Variants in SEC31B observed in about 807,000 individuals in gnomAD.
SEC31B encodes protein transport protein Sec31B.
A neutral mutation model predicts 135.0 loss-of-function variants in SEC31B; 113 were observed. The observed-to-expected ratio is 0.84, with a 90% CI of 0.72 to 0.98. The LOEUF (loss-of-function observed/expected upper bound fraction) is 0.98. Among genes scored for constraint, SEC31B ranks in the 50% least tolerant of loss-of-function variants. SEC31B has a pLI of 0.00. For synonymous variants in SEC31B, 508 were observed against 549.4 expected, an observed-to-expected ratio of 0.92 and a Z score of 1.05; for missense variants, 1,296 against 1,421.1, an observed-to-expected ratio of 0.91 and a Z score of 1.42.
chr10:100,508,961 G>C, intron 5 of SEC31B, 46 bp downstream of exon 5: 1 of 1,459,564 alleles, frequency 6.9e-7, no homozygotes, highest in South Asian at 1.1e-5. Flanking sequence ...TTACTTAGGA[G>C]AATCAGCTGC....
At chr10:100,516,352 A>T (rs1851845032) in intron 2 of SEC31B, 133 bp from the exon 3 acceptor site, 1 of 1,138,958 alleles carries the variant, frequency 8.8e-7, no homozygotes, top group South Asian at 1.6e-5. Flanking sequence ...ACTCCACAAA[A>T]GCAAGAAAAC....
At position 100,507,948 on chromosome 10, in the gene SEC31B, T is replaced by C. The variant is rs1298722699; in HGVS notation, c.599A>G (p.Lys200Arg). ...SGKAVVWDLRKNEPIIKVSDH... is the reference protein window; with the variant it reads ...SGKAVVWDLRRNEPIIKVSDH... Reference sequence around the variant, plus strand: ...ACTGACTTTGATGATAGGTTCATTCTTCCTGAGATCCCACACAACTGCCTT... The same window carrying C: ...ACTGACTTTGATGATAGGTTCATTCCTCCTGAGATCCCACACAACTGCCTT... The change falls in exon 6 of 26, where the codon AAG (lysine) becomes AGG (arginine). Residue 200 changes from lysine (K) to arginine (R), a missense_variant. Physicochemically the swap from Lys to Arg is conservative, Grantham distance 26. Transcript: ENST00000370345. 1 of 1,614,096 alleles carries C rather than the reference T, an allele frequency of 6.2e-7. No homozygotes were observed. Among genetic ancestry groups the C allele is most frequent in the Non-Finnish European group, 8.5e-7 (1 of 1,180,044 alleles).
Position 100,499,241 on chromosome 10 carries a change from C to T in SEC31B, c.1503G>A (p.Lys501=), listed in dbSNP as rs1851471201. ...GACTCTCACCTAGCCCCACGTCACT[C>T]TTCAACCATGTGGCCACCTGCAGGG... is the stretch of plus-strand genomic sequence containing the variant. ...ELQKKVATWL[K]SDVGLGESPQ... The change falls in exon 13 of 26, where the codon AAG becomes AAA. Residue 501 remains lysine, a synonymous_variant. Coordinates refer to ENST00000370345, the MANE Select transcript of SEC31B (RefSeq NM_015490.4). 6.2e-7 allele frequency: 1 copy of T among 1,612,898 alleles called. No homozygotes were observed. The highest frequency in any genetic ancestry group is 8.5e-7 in the Non-Finnish European group (1 of 1,179,572).
Position 100,505,423 on chromosome 10 carries a change from G to A in SEC31B, c.1117C>T (p.Leu373=). ...QVPEQVAQAP[L]IPPLKKPPKW... is the part of the protein sequence containing the mutation. ...GGGGGTTTTTTCAGGGGAGGTATCA[G>A]TGGTGCTTGTGCCACTTGCTCTGGC... Residue 373 remains leucine, a synonymous_variant, in exon 10 of 26, where the codon CTG becomes TTG. Coordinates refer to ENST00000370345, the MANE Select transcript of SEC31B (RefSeq NM_015490.4). The A allele has an allele frequency of 6.2e-7, 1 of 1,605,926 alleles. No individual in the cohort carries two copies. The highest frequency in any genetic ancestry group is 8.5e-7 in the Non-Finnish European group (1 of 1,175,990).
chr10:100,501,873 T>C (rs1851530574), intron 11 of SEC31B, among the ~76,000 whole-genome samples: 2 of 152,340 alleles, frequency 1.3e-5, no homozygotes, highest in South Asian at 4.1e-4. Flanking sequence ...CTAACTAATG[T>C]TTTTCCTTTC....
At chr10:100,497,078 C>T in intron 17 of SEC31B, 57 bp downstream of exon 17, 2 of 1,591,424 alleles carry the variant, frequency 1.3e-6, no homozygotes, top group South Asian at 2.2e-5. Flanking sequence ...ACATCTCCAC[C>T]ACTAGCCTCC....
chr10:100,498,176 C>T lies in SEC31B; in HGVS notation c.1716G>A (p.Leu572=), dbSNP rs766693241. ...DIDGLLSQAL[L]LGELGPAVEL... ...CCACGGCCGGACCCAGTTCCCCAAG[C>T]AGGAGAGCCTGGCTTAGGAGTCCAT... Residue 572 remains leucine (L), a synonymous_variant, in exon 15 of 26, where the codon CTG becomes CTA. Transcript: ENST00000370345. 2 of 1,614,206 alleles carry T rather than the reference C, an allele frequency of 1.2e-6. No individual in the cohort carries two copies. The highest frequency in any genetic ancestry group is 3.3e-5 in the Admixed American group (2 of 60,028).
intron 24 of SEC31B, among the ~76,000 whole-genome samples, 174 bp downstream of exon 24, chr10:100,488,684 C>T (rs1356334947): frequency 2.0e-5 from 3 of 152,044 alleles, no homozygotes; most frequent in African/African-American, 7.3e-5. Flanking sequence ...GGACTTCAGA[C>T]CAGACTCAAA....
In SEC31B at chr10:100,498,305, C is replaced by T. The variant is rs899076452; in HGVS notation, c.1685-98G>A. ...GCACACCCTCTATATCTCTATATCA[C>T]TCAGTGTGCTTGGCTCCAAACTAAA... On this transcript the variant is annotated intron_variant, in intron 14 of 25. Transcript: ENST00000370345. 7 of 1,151,352 alleles carry T rather than the reference C, an allele frequency of 6.1e-6. No individual in the cohort carries two copies. In the East Asian group the frequency reaches 1.5e-4, roughly 24 times the overall value. The allele number at this position is 1,151,352 out of a possible 1,614,324, so 71.3% of individuals were successfully genotyped here. A position where few individuals can be genotyped will look rare whatever the true frequency, so the allele number is the denominator to read the frequency against.
intron 16 of SEC31B, 103 bp downstream of exon 16, chr10:100,497,564 C>A: frequency 6.3e-7 from 1 of 1,584,426 alleles, no homozygotes; most frequent in Non-Finnish European, 8.6e-7. Flanking sequence ...CATTGCCTCG[C>A]CTCCCACAGC....
intron 14 of SEC31B, among the ~76,000 whole-genome samples, 165 bp downstream of exon 14, chr10:100,498,540 T>G (rs908592796): frequency 1.3e-5 from 2 of 151,946 alleles, no homozygotes; most frequent in East Asian, 3.9e-4. Flanking sequence ...TCCATGAAAA[T>G]CTACAACCAG....
rs149062257 is a variant in SEC31B, at chr10:100,497,265, C to T, written c.2006G>A (p.Arg669His). Residue 669 changes from arginine to histidine, a missense_variant, in exon 17 of 26, where the codon CGC becomes CAC. Physicochemically the swap from Arg to His is conservative, Grantham distance 29. Coordinates refer to ENST00000370345, the MANE Select transcript of SEC31B (RefSeq NM_015490.4). ...FPELCDMLGT[R>H]MEQEGSRALT... ...TGCCCTGCTGCCCTCCTGTTCCATG[C>T]GAGTTCCCAGCATGTCTGCAGAGAG... 16 of 1,613,912 alleles carry T rather than the reference C, an allele frequency of 9.9e-6. No homozygotes were observed. Among genetic ancestry groups the T allele is most frequent in the East Asian group, 2.2e-5 (1 of 44,888 alleles).
At chr10:100,507,758 T>G (rs1851660523) in intron 6 of SEC31B, 150 bp downstream of exon 6, 2 of 1,300,068 alleles carry the variant, frequency 1.5e-6, no homozygotes, top group Non-Finnish European at 2.1e-6. Context: ...TTCCCTAAGT[T>G]TTCACTCTCA....
chr10:100,500,446 C>T (rs917715316), intron 11 of SEC31B, among the ~76,000 whole-genome samples: 4 of 152,054 alleles, frequency 2.6e-5, no homozygotes, highest in Non-Finnish European at 5.9e-5. Context: ...TCCTAAGTAG[C>T]TGGAATTACA....
rs759150296 is a variant in SEC31B, at chr10:100,495,505, T to C, written c.2352A>G (p.Gln784=). 12 of 1,613,894 alleles carry C rather than the reference T, an allele frequency of 7.4e-6. No homozygotes were observed. The highest frequency in any genetic ancestry group is 1.3e-5 in the African/African-American group (1 of 74,916). ...QQLRDRLFHA[Q]GSAVLGQQSP... ...ACTGTTGGCCCAAGACAGCAGAACC[T>C]TGAGCATGAAAAAGCCGATCTCTTA... The change falls in exon 19 of 26, where the codon CAA becomes CAG. Residue 784 remains glutamine, a synonymous_variant. Transcript: ENST00000370345.
At chr10:100,498,282 A>C in intron 14 of SEC31B, 75 bp from the exon 15 acceptor site, 1 of 1,396,752 alleles carries the variant, frequency 7.2e-7, no homozygotes, top group Non-Finnish European at 1.0e-6. Context: ...GGCCCACAGC[A>C]CACCCTCTAT....
chr10:100,493,069 A>G (rs1851331575), intron 19 of SEC31B, among the ~76,000 whole-genome samples: 1 of 152,086 alleles, frequency 6.6e-6, no homozygotes, highest in Non-Finnish European at 1.5e-5. Flanking sequence ...CAAAGTTTGA[A>G]TGGCTAAAAA....
At position 100,488,888 on chromosome 10, in the gene SEC31B, G is replaced by C. The variant is rs553465070; in HGVS notation, c.3258C>G (p.Leu1086=). 1 of 1,607,686 alleles carries C rather than the reference G, an allele frequency of 6.2e-7. No individual in the cohort carries two copies. The highest frequency in any genetic ancestry group is 1.1e-5 in the South Asian group (1 of 90,104). The part of the protein sequence containing the change: ...QSLKSSFEAL[L]QRCSLSATDL... ...CAGTTGCAGACAGGGAGCAGCGTTG[G>C]AGAAGCGCCTCAAAGCTGCTCTTCA... is the stretch of plus-strand genomic sequence containing the variant. Residue 1086 remains leucine (L), a synonymous_variant, in exon 24 of 26, where the codon CTC becomes CTG. Coordinates refer to ENST00000370345, the MANE Select transcript of SEC31B (RefSeq NM_015490.4).
rs1851440345 is a variant in SEC31B, at chr10:100,497,768, T to A, written c.1889A>T (p.Asn630Ile). The A allele has an allele frequency of 6.2e-7, 1 of 1,614,060 alleles. No homozygotes were observed. Among genetic ancestry groups the A allele is most frequent in the Admixed American group, 1.7e-5 (1 of 60,006 alleles). The change falls in exon 16 of 26, where the codon AAT becomes ATT. Residue 630 changes from asparagine (N) to isoleucine (I), a missense_variant. Physicochemically the swap from Asn to Ile is moderately radical, Grantham distance 149. Coordinates refer to ENST00000370345, the MANE Select transcript of SEC31B (RefSeq NM_015490.4). ...SSLLACVVQK[N>I]WKDVVCTCSL... ...ACAGGTACACACCACATCCTTCCAATTCTTTTGCACAACACAGGCTAGAAG... is the reference window on the plus strand; with the variant it reads ...ACAGGTACACACCACATCCTTCCAAATCTTTTGCACAACACAGGCTAGAAG...
Sources: allele counts gnomAD v4.1 joint callset (sites outside exome capture counted in the v4.1 genomes callset), GRCh38; gene constraint gnomAD v4.1.1; transcripts MANE v1.5; gene names NCBI Gene and HGNC (gene_info 2026-07-23, HGNC 2026-07-21).